Variants in ANKFN1 observed in about 807,000 individuals in gnomAD.
ANKFN1 encodes the protein ankyrin repeat and fibronectin type III domain containing 1, also known as ankyrin repeat and fibronectin type-III domain-containing protein 1.
Under a neutral mutation model 108.7 loss-of-function variants are expected in ANKFN1, and 74 were observed. The ratio of observed to expected loss-of-function variants is 0.68; its 90% CI spans 0.56 to 0.83. The LOEUF (loss-of-function observed/expected upper bound fraction) is 0.83. Among genes scored for constraint, ANKFN1 ranks in the 40% least tolerant of loss-of-function variants. ANKFN1 has a pLI of 0.00. For missense variants in ANKFN1, 1,505 were observed against 1,382.3 expected (o/e 1.09, Z -1.41); for synonymous variants, 547 against 516.2 (o/e 1.06, Z -0.81).
intron 4 of ANKFN1, among the ~76,000 whole-genome samples, chr17:56,082,441 C>CA (rs369552706): frequency 0.057 from 8,601 of 149,770 alleles, 327 homozygotes; most frequent in African/African-American, 0.11. Context: ...CACACACACA[C>CA]AAAAAAAAAC....
intron 4 of ANKFN1, among the ~76,000 whole-genome samples, chr17:56,073,310 C>T (rs1905143371): frequency 1.3e-5 from 2 of 152,198 alleles, no homozygotes; most frequent in South Asian, 2.1e-4. Flanking sequence ...TCTTAACATC[C>T]TAACGTTTTA....
In ANKFN1 at chr17:56,205,375, G is replaced by T. The variant is rs144254714; in HGVS notation, c.-70-7223G>T. On this transcript the variant is annotated intron_variant, in intron 1 of 20. Coordinates refer to ENST00000682825, the MANE Select transcript of ANKFN1 (RefSeq NM_001370326.1). ...AAAACAAAATAATTGGGAGTTGTCAGCACTTCTAAATATTTATAAAAGTTG... is the reference window on the plus strand; with the variant it reads ...AAAACAAAATAATTGGGAGTTGTCATCACTTCTAAATATTTATAAAAGTTG... Among the ~76,000 whole-genome samples the T allele has an allele frequency of 7.1e-3, 1,079 of 152,252 alleles. 8 individuals are homozygous for T. Among genetic ancestry groups the T allele is most frequent in the Middle Eastern group, 0.02 (6 of 294 alleles).
At chr17:56,384,230 C>T (rs892922747) in intron 8 of ANKFN1, among the ~76,000 whole-genome samples, 3 of 152,206 alleles carry the variant, frequency 2.0e-5, no homozygotes, top group African/African-American at 7.2e-5. Flanking sequence ...ACGAAAACCA[C>T]GTGATTATCT....
chr17:56,434,462 G>C (rs570695082), intron 8 of ANKFN1, among the ~76,000 whole-genome samples: 2 of 151,924 alleles, frequency 1.3e-5, no homozygotes, highest in Admixed American at 6.6e-5. Flanking sequence ...GTTTTTCTAG[G>C]GAAATTTAAT....
intron 9 of ANKFN1, among the ~76,000 whole-genome samples, chr17:56,442,106 A>G (rs2049125860): frequency 6.6e-6 from 1 of 152,218 alleles, no homozygotes; most frequent in African/African-American, 2.4e-5. Flanking sequence ...TTAATTCTTA[A>G]CATCACAAAA....
intron 3 of ANKFN1, among the ~76,000 whole-genome samples, chr17:56,249,415 C>G (rs754199751): frequency 6.6e-6 from 1 of 150,456 alleles, no homozygotes; most frequent in Non-Finnish European, 1.5e-5. Context: ...GCCTGGATGA[C>G]AGAGCAAGAC....
chr17:56,203,326 A>G (rs1310329187), intron 1 of ANKFN1, among the ~76,000 whole-genome samples: 3 of 152,202 alleles, frequency 2.0e-5, no homozygotes, highest in African/African-American at 7.2e-5. Context: ...AATAAGGGAC[A>G]TAATGAAGAC....
intron 8 of ANKFN1, among the ~76,000 whole-genome samples, chr17:56,403,573 G>T (rs2144947683): frequency 6.6e-6 from 1 of 152,234 alleles, no homozygotes; most frequent in East Asian, 1.9e-4. Flanking sequence ...CCTGAAGGTA[G>T]CAAATGGTTG....
intron 14 of ANKFN1, 40 bp from the exon 15 acceptor site, chr17:56,466,316 A>G (rs1474434237): frequency 1.3e-5 from 21 of 1,567,130 alleles, no homozygotes; most frequent in African/African-American, 2.7e-5. Flanking sequence ...CTTTGTTAGC[A>G]TAATACCCTC....
At chr17:56,496,251 T>A (rs1467429108) in intron 19 of ANKFN1, among the ~76,000 whole-genome samples, 1 of 152,174 alleles carries the variant, frequency 6.6e-6, no homozygotes, top group Non-Finnish European at 1.5e-5. Flanking sequence ...TGTTTCTACA[T>A]ACTTTTAAAA....
intron 1 of ANKFN1, among the ~76,000 whole-genome samples, chr17:56,207,268 T>G (rs1201115934): frequency 6.6e-6 from 1 of 152,206 alleles, no homozygotes; most frequent in Non-Finnish European, 1.5e-5. Context: ...AGACCTATTG[T>G]ATCAGATACT....
At chr17:56,092,453 T>C (rs892856231) in intron 4 of ANKFN1, among the ~76,000 whole-genome samples, 4 of 150,572 alleles carry the variant, frequency 2.7e-5, no homozygotes, top group Admixed American at 6.6e-5. Context: ...TTTTTGTATT[T>C]TTAGTAGAGA....
intron 18 of ANKFN1, among the ~76,000 whole-genome samples, chr17:56,485,342 A>C (rs545309182): frequency 1.3e-5 from 2 of 152,356 alleles, no homozygotes; most frequent in East Asian, 3.9e-4. Flanking sequence ...AAGGTCTCTG[A>C]AGAAGAAACA....
chr17:56,197,585 C>T (rs1321568704), intron 1 of ANKFN1, among the ~76,000 whole-genome samples: 1 of 152,172 alleles, frequency 6.6e-6, no homozygotes, highest in Non-Finnish European at 1.5e-5. Flanking sequence ...TTTAGTTAGG[C>T]TCCTGGCGTC....
intron 8 of ANKFN1, among the ~76,000 whole-genome samples, chr17:56,399,957 A>C (rs560740079): frequency 2.0e-5 from 3 of 149,046 alleles, no homozygotes; most frequent in East Asian, 1.9e-4. Flanking sequence ...ATATATATAT[A>C]TCACAATTTT....
At chr17:56,046,429 T>C (rs1355581379) in intron 4 of ANKFN1, 1 of 152,328 alleles carries the variant, frequency 6.6e-6, no homozygotes, top group East Asian at 1.9e-4. Context: ...TGGCAGTAAT[T>C]AACAAGTGCA....
intron 8 of ANKFN1, among the ~76,000 whole-genome samples, chr17:56,420,358 T>C (rs989307623): frequency 4.6e-5 from 7 of 152,242 alleles, no homozygotes; most frequent in African/African-American, 1.7e-4. Flanking sequence ...CTATGAGGTC[T>C]ATGGCAAATA....
chr17:56,489,737 T>TA (rs932879981), intron 18 of ANKFN1, among the ~76,000 whole-genome samples: 12 of 152,246 alleles, frequency 7.9e-5, no homozygotes, highest in South Asian at 2.1e-4. Context: ...TTTTTTTTTT[T>TA]ACCTCTTGGT....
chr17:56,464,500 C>G (rs1186034167), intron 14 of ANKFN1, among the ~76,000 whole-genome samples: 1 of 151,816 alleles, frequency 6.6e-6, no homozygotes, highest in Non-Finnish European at 1.5e-5. Context: ...TGCAGTAAAG[C>G]CAGAGACATG....
Sources: gnomAD v4.1 joint callset for allele counts (sites outside exome capture counted in the v4.1 genomes callset) on GRCh38, gnomAD v4.1.1 for gene constraint, MANE v1.5 for transcripts, NCBI Gene and HGNC (gene_info 2026-07-23, HGNC 2026-07-21) for gene names.